The following KLHL14 variants were observed in gnomAD, a reference collection of about 807,000 sequenced individuals.
KLHL14 encodes kelch like family member 14.
Under a neutral mutation model 64.3 loss-of-function variants are expected in KLHL14, and 22 were observed. The observed-to-expected ratio is 0.34, with a 90% CI of 0.24 to 0.49. The LOEUF (loss-of-function observed/expected upper bound fraction) is 0.49. Ranked by LOEUF, KLHL14 falls within the 20% of genes least tolerant of loss-of-function variation. The probability of loss-of-function intolerance (pLI) is 0.99; values close to 1 mark genes in which losing one functional copy is unlikely to be tolerated. For synonymous variants in KLHL14, 322 were observed against 333.4 expected (o/e 0.97, Z 0.37); for missense variants, 661 against 789.0 (o/e 0.84, Z 1.94).
At chr18:32,687,286 A>T in intron 4 of KLHL14, 53 bp from the exon 5 acceptor site, 1 of 1,380,968 alleles carries the variant, frequency 7.2e-7, no homozygotes, top group Non-Finnish European at 1.0e-6. Flanking sequence ...GTTGATTTGC[A>T]CATGTAGTAG....
At chr18:32,712,567 C>T (rs1037416020) in intron 3 of KLHL14, among the ~76,000 whole-genome samples, 1 of 152,138 alleles carries the variant, frequency 6.6e-6, no homozygotes, top group Non-Finnish European at 1.5e-5. Flanking sequence ...TATGAGATCT[C>T]TCCTATCAGC....
intron 2 of KLHL14, among the ~76,000 whole-genome samples, chr18:32,760,981 T>A (rs955066453): frequency 2.0e-5 from 3 of 152,224 alleles, no homozygotes; most frequent in African/African-American, 7.2e-5. Flanking sequence ...AGTGATATCA[T>A]GAATATGTCC....
At position 32,753,636 on chromosome 18, in the gene KLHL14, AG is replaced by A. The variant is rs748179969; in HGVS notation, c.948-11588del. Among the ~76,000 whole-genome samples, 112 of 152,302 alleles carry A rather than the reference AG, an allele frequency of 7.4e-4. 1 individual carries two copies. Among genetic ancestry groups the A allele is most frequent in the Non-Finnish European group, 1.3e-3 (91 of 68,022 alleles). ...AAATGTAGCCCACCCCCACCACCCA[AG>A]GCTTAGCTCATAAGCCCCAAGGATC... On this transcript the variant is annotated intron_variant, in intron 2 of 8. Transcript: ENST00000359358.
At position 32,674,423 on chromosome 18, in the gene KLHL14, C is replaced by A; in HGVS notation, c.*234G>T. On this transcript the variant is annotated 3_prime_UTR_variant, in exon 9 of 9. Transcript: ENST00000359358. ...TTGTAAAGCTGGGATAAGTTAAAAC[C>A]AGTCTGAAATGGAAGAGTCTGTCAC... 1 of 436,786 alleles carries A rather than the reference C, an allele frequency of 2.3e-6. No individual in the cohort carries two copies. The highest frequency in any genetic ancestry group is 3.3e-5 in the East Asian group (1 of 30,234). 27.1% of individuals were successfully genotyped at this position (436,786 alleles called of 1,614,324 possible).
At chr18:32,713,270 A>G (rs1040241810) in intron 3 of KLHL14, among the ~76,000 whole-genome samples, 2 of 152,150 alleles carry the variant, frequency 1.3e-5, no homozygotes, top group African/African-American at 4.8e-5. Flanking sequence ...CTTGGGTATC[A>G]TATAGGCTCT....
chr18:32,712,697 T>C (rs1366253073), intron 3 of KLHL14, among the ~76,000 whole-genome samples: 1 of 152,232 alleles, frequency 6.6e-6, no homozygotes, highest in Non-Finnish European at 1.5e-5. Flanking sequence ...TCAAAAAAGT[T>C]GTCTTTGCTC....
intron 5 of KLHL14, among the ~76,000 whole-genome samples, chr18:32,682,465 C>T (rs1454702905): frequency 6.6e-6 from 1 of 152,060 alleles, no homozygotes; most frequent in Non-Finnish European, 1.5e-5. Flanking sequence ...TCTGTGGGGT[C>T]CGTGAGCCTC....
chr18:32,702,424 G>A lies in KLHL14; in HGVS notation c.1070-6872C>T, dbSNP rs191679879. Among the ~76,000 whole-genome samples the A allele has an allele frequency of 1.9e-4, 28 of 150,652 alleles. 1 individual carries two copies. The highest frequency in any genetic ancestry group is 1.9e-3 in the Admixed American group (28 of 15,114). ...TAAATGTTTTAAAATTTGCTAGTTAGTTTAATCCTACCATTCAGTCTTTCA... is the reference window on the plus strand; with the variant it reads ...TAAATGTTTTAAAATTTGCTAGTTAATTTAATCCTACCATTCAGTCTTTCA... On this transcript the variant is annotated intron_variant, in intron 3 of 8. Transcript: ENST00000359358.
At chr18:32,684,111 A>G (rs925861765) in intron 5 of KLHL14, among the ~76,000 whole-genome samples, 1 of 152,192 alleles carries the variant, frequency 6.6e-6, no homozygotes, top group Non-Finnish European at 1.5e-5. Context: ...CTGAAAAAAA[A>G]TTAAGTTACC....
chr18:32,741,344 G>A (rs2050196256), intron 3 of KLHL14, among the ~76,000 whole-genome samples: 1 of 152,192 alleles, frequency 6.6e-6, no homozygotes, highest in Non-Finnish European at 1.5e-5. Flanking sequence ...CGCCCTTTAG[G>A]AAGGGGAGGA....
chr18:32,751,476 G>A (rs766213974), intron 2 of KLHL14, among the ~76,000 whole-genome samples: 10 of 152,082 alleles, frequency 6.6e-5, no homozygotes, highest in Non-Finnish European at 1.3e-4. Flanking sequence ...CCAGTGTGCA[G>A]GATGGGTTTT....
intron 2 of KLHL14, among the ~76,000 whole-genome samples, chr18:32,752,527 T>A (rs961090495): frequency 3.3e-5 from 5 of 152,242 alleles, no homozygotes; most frequent in African/African-American, 1.2e-4. Flanking sequence ...ATCACGTTCA[T>A]CATTTTTCTT....
chr18:32,752,126 C>CA (rs1285795787), intron 2 of KLHL14, among the ~76,000 whole-genome samples: 1 of 151,722 alleles, frequency 6.6e-6, no homozygotes, highest in African/African-American at 2.4e-5. Context: ...GACTCCATCT[C>CA]AAAAAAACAA....
chr18:32,710,886 G>T (rs9954483), intron 3 of KLHL14, among the ~76,000 whole-genome samples: 1 of 151,862 alleles, frequency 6.6e-6, no homozygotes, highest in Non-Finnish European at 1.5e-5. Context: ...GTTGGCTGGC[G>T]TGTAGTGGAG....
At chr18:32,729,799 T>G (rs1233566213) in intron 3 of KLHL14, among the ~76,000 whole-genome samples, 1 of 152,234 alleles carries the variant, frequency 6.6e-6, no homozygotes, top group Non-Finnish European at 1.5e-5. Context: ...TCATAGGTAC[T>G]GGGAGTAGGA....
At chr18:32,692,212 G>A (rs75458932) in intron 4 of KLHL14, among the ~76,000 whole-genome samples, 4,682 of 152,134 alleles carry the variant, frequency 0.031, 175 homozygotes, top group African/African-American at 0.086. Context: ...TCAAACTGTG[G>A]TCATCAATAG....
intron 3 of KLHL14, among the ~76,000 whole-genome samples, chr18:32,709,938 T>A (rs1424173343): frequency 6.6e-6 from 1 of 152,196 alleles, no homozygotes; most frequent in Non-Finnish European, 1.5e-5. Context: ...AATAAGTATG[T>A]AGGTTTAGCT....
At chr18:32,771,987 G>A (rs557342961) in intron 1 of KLHL14, 59 of 206,622 alleles carry the variant, frequency 2.9e-4, no homozygotes, top group African/African-American at 1.2e-3. Context: ...AGGCAGAGGA[G>A]GGCAGGGTGG....
intron 3 of KLHL14, chr18:32,734,379 T>G (rs2050152562): frequency 1.6e-6 from 1 of 631,180 alleles, no homozygotes; most frequent in East Asian, 2.7e-5. Context: ...TGAATGACTC[T>G]GTGGAGCAGA....
Sources: gnomAD v4.1 joint callset for allele counts (sites outside exome capture counted in the v4.1 genomes callset) on GRCh38, gnomAD v4.1.1 for gene constraint, MANE v1.5 for transcripts, NCBI Gene and HGNC (gene_info 2026-07-23, HGNC 2026-07-21) for gene names.